GLRA3: variants seen among roughly 807,000 people sequenced by gnomAD.
GLRA3 encodes the protein glycine receptor subunit alpha-3.
In GLRA3, 44 loss-of-function variants were observed where a neutral mutation model predicts 60.4. The observed-to-expected ratio is 0.73, with a 90% CI of 0.57 to 0.94. GLRA3 has a LOEUF of 0.94. Ranked by LOEUF, GLRA3 falls within the 40% of genes least tolerant of loss-of-function variation. The probability of loss-of-function intolerance (pLI) is 0.00; values close to 1 mark genes in which losing one functional copy is unlikely to be tolerated. For missense variants in GLRA3, 508 were observed against 564.6 expected (o/e 0.90, Z 1.02); for synonymous variants, 223 against 192.9 (o/e 1.16, Z -1.29).
rs191149651 is a variant in GLRA3 at position 174,730,910 on chromosome 4, A to T, written c.268-2212T>A. Among the ~76,000 whole-genome samples the T allele has an allele frequency of 4.6e-5, 7 of 152,300 alleles. No individual in the cohort carries two copies. The East Asian group carries it at 1.4e-3, about 29-fold the overall frequency. On this transcript the variant is annotated intron_variant, in intron 3 of 9. Transcript: ENST00000274093. ...CATTCATGACAGCATGGAAAATATGATTTTGTGGTCTATTGTACTGCATGG... is the reference window on the plus strand; with the variant it reads ...CATTCATGACAGCATGGAAAATATGTTTTTGTGGTCTATTGTACTGCATGG...
At position 174,806,808 on chromosome 4, in the gene GLRA3, A is replaced by T. The variant is rs539089818; in HGVS notation, c.72-17865T>A. ...GGGATGACTGTATATGTATCTGTAT[A>T]TATTTCTATAGACACCCATATACAT... On this transcript the variant is annotated intron_variant, in intron 1 of 9. Transcript: ENST00000274093. Among the ~76,000 whole-genome samples the T allele has an allele frequency of 2.0e-5, 3 of 152,150 alleles. No individual in the cohort carries two copies. In the South Asian group the frequency reaches 6.2e-4, roughly 32 times the overall value.
At chr4:174,711,294 A>C (rs1468421727) in intron 5 of GLRA3, among the ~76,000 whole-genome samples, 1 of 151,586 alleles carries the variant, frequency 6.6e-6, no homozygotes, top group Admixed American at 6.6e-5. Context: ...CTCTCTCTCT[A>C]TGATTTGTTT....
At position 174,814,503 on chromosome 4, in the gene GLRA3, G is replaced by T. The variant is rs530689453; in HGVS notation, c.71+14238C>A. 8.5e-5 allele frequency among the ~76,000 whole-genome samples: 13 copies of T among 152,284 alleles called. No homozygotes were observed. In the South Asian group the frequency reaches 2.1e-3, roughly 24 times the overall value. On this transcript the variant is annotated intron_variant, in intron 1 of 9. Coordinates refer to ENST00000274093, the MANE Select transcript of GLRA3 (RefSeq NM_006529.4). ...CCACTCTGCCAGTGGAGCTTGGAAAGCTTGATGTATTAGTTCATTTTCATG... is the reference window on the plus strand; with the variant it reads ...CCACTCTGCCAGTGGAGCTTGGAAATCTTGATGTATTAGTTCATTTTCATG...
intron 3 of GLRA3, among the ~76,000 whole-genome samples, chr4:174,747,070 T>C (rs964973656): frequency 3.3e-5 from 5 of 152,210 alleles, no homozygotes; most frequent in South Asian, 4.1e-4. Flanking sequence ...AAACTACATA[T>C]ATTATGGATC....
chr4:174,650,595 C>A (rs1732990333), intron 9 of GLRA3, among the ~76,000 whole-genome samples: 1 of 152,010 alleles, frequency 6.6e-6, no homozygotes, highest in South Asian at 2.1e-4. Flanking sequence ...AGGCATCAGT[C>A]CATATCTAGG....
chr4:174,737,908 A>T (rs1479456299), intron 3 of GLRA3, among the ~76,000 whole-genome samples: 1 of 152,204 alleles, frequency 6.6e-6, no homozygotes, highest in African/African-American at 2.4e-5. Context: ...TTTTTAATTC[A>T]TGAGGACTTT....
At chr4:174,765,643 C>G (rs887263930) in intron 3 of GLRA3, among the ~76,000 whole-genome samples, 1 of 151,902 alleles carries the variant, frequency 6.6e-6, no homozygotes, top group Non-Finnish European at 1.5e-5. Flanking sequence ...GCCAATTTTT[C>G]CACAAGAATC....
In GLRA3 at chr4:174,637,413, A is replaced by G. The variant is rs1394746203; in HGVS notation, c.*6373T>C. On this transcript the variant is annotated 3_prime_UTR_variant, in exon 10 of 10. Transcript: ENST00000274093. ...CCATATTATCATTTATCATACATTA[A>G]AATACAAATTTAAGTAATGACCATT... The G allele has an allele frequency of 6.6e-6, 1 of 152,080 alleles. No homozygotes were observed. The highest frequency in any genetic ancestry group is 2.4e-5 in the African/African-American group (1 of 41,426). The allele number at this position is 152,080 out of a possible 1,614,324, so 9.4% of individuals were successfully genotyped here. A position where few individuals can be genotyped will look rare whatever the true frequency, so the allele number is the denominator to read the frequency against.
intron 5 of GLRA3, among the ~76,000 whole-genome samples, chr4:174,705,340 C>T (rs1172534111): frequency 1.4e-5 from 2 of 144,032 alleles, no homozygotes; most frequent in Middle Eastern, 3.3e-3. Context: ...TTTCCAGCCT[C>T]CAGAACTGTG....
At chr4:174,691,255 T>C (rs549761956) in intron 5 of GLRA3, among the ~76,000 whole-genome samples, 1 of 152,222 alleles carries the variant, frequency 6.6e-6, no homozygotes, top group Non-Finnish European at 1.5e-5. Context: ...TAAGATGGTA[T>C]CTCATTGTGG....
At chr4:174,679,058 C>T (rs548967314) in intron 6 of GLRA3, among the ~76,000 whole-genome samples, 6 of 152,056 alleles carry the variant, frequency 3.9e-5, no homozygotes, top group Admixed American at 3.3e-4. Context: ...AAATGCAAAT[C>T]AAAACCACAA....
intron 2 of GLRA3, among the ~76,000 whole-genome samples, chr4:174,768,940 T>G (rs1738264769): frequency 6.6e-6 from 1 of 152,114 alleles, no homozygotes; most frequent in Non-Finnish European, 1.5e-5. Context: ...TCTATGTAAG[T>G]TAGTCGGAGA....
chr4:174,685,742 T>C (rs1174277207), intron 5 of GLRA3, among the ~76,000 whole-genome samples: 1 of 152,014 alleles, frequency 6.6e-6, no homozygotes, highest in Non-Finnish European at 1.5e-5. Flanking sequence ...AGAAAGTAGA[T>C]GCACATTTCT....
chr4:174,694,991 C>A (rs1353317280), intron 5 of GLRA3, among the ~76,000 whole-genome samples: 2 of 152,204 alleles, frequency 1.3e-5, no homozygotes, highest in East Asian at 1.9e-4. Flanking sequence ...TGCTTAAATT[C>A]CTGGACACAT....
chr4:174,699,222 G>A lies in GLRA3; in HGVS notation c.574+16266C>T, dbSNP rs1035661709. On this transcript the variant is annotated intron_variant, in intron 5 of 9. Coordinates refer to ENST00000274093, the MANE Select transcript of GLRA3 (RefSeq NM_006529.4). ...TCACCATATTGGTCAGGCTGGTCTC[G>A]AACTCCTGACCTTAGGTCATCAACC... Among the ~76,000 whole-genome samples, 4 of 152,014 alleles carry A rather than the reference G, an allele frequency of 2.6e-5. No homozygotes were observed. The East Asian group carries it at 5.8e-4, about 22-fold the overall frequency.
chr4:174,742,046 TA>T (rs921180073), intron 3 of GLRA3, among the ~76,000 whole-genome samples: 6 of 152,080 alleles, frequency 3.9e-5, no homozygotes, highest in African/African-American at 9.7e-5. Flanking sequence ...GAGTAATGAT[TA>T]AAAAACAACA....
rs369269857 is a variant in GLRA3, at chr4:174,796,122, C to T, written c.72-7179G>A. On this transcript the variant is annotated intron_variant, in intron 1 of 9. Coordinates refer to ENST00000274093, the MANE Select transcript of GLRA3 (RefSeq NM_006529.4). ...GAGTGGGGACCTTTGGGAGGAGATT[C>T]GGTCATAAGGGCTCCAAATGAGATT... Among the ~76,000 whole-genome samples, 14 of 152,152 alleles carry T rather than the reference C, an allele frequency of 9.2e-5. No homozygotes were observed. In the East Asian group the frequency reaches 9.7e-4, roughly 11 times the overall value.
chr4:174,766,102 C>G (rs942024402), intron 3 of GLRA3, among the ~76,000 whole-genome samples: 1 of 151,764 alleles, frequency 6.6e-6, no homozygotes, highest in African/African-American at 2.4e-5. Context: ...ATTTACTATT[C>G]TAAGTAAATA....
In GLRA3 at chr4:174,642,604, T is replaced by C. The variant is rs1732653879; in HGVS notation, c.*1182A>G. On this transcript the variant is annotated 3_prime_UTR_variant, in exon 10 of 10. Transcript: ENST00000274093. Reference sequence around the variant, plus strand: ...CCCATGGGGTCATTGAAAAATTTTATGTAAAAATTTCATTTAAAATTATTC... The same window carrying C: ...CCCATGGGGTCATTGAAAAATTTTACGTAAAAATTTCATTTAAAATTATTC... 3 of 926,012 alleles carry C rather than the reference T, an allele frequency of 3.2e-6. No individual in the cohort carries two copies. Among genetic ancestry groups the C allele is most frequent in the Non-Finnish European group, 3.9e-6 (3 of 775,898 alleles). The allele number at this position is 926,012 out of a possible 1,614,324, so 57.4% of individuals were successfully genotyped here.
Sources: gnomAD v4.1 joint callset for allele counts (sites outside exome capture counted in the v4.1 genomes callset) on GRCh38, gnomAD v4.1.1 for gene constraint, MANE v1.5 for transcripts, NCBI Gene and HGNC (gene_info 2026-07-23, HGNC 2026-07-21) for gene names.